Variants in DCBLD2 observed in about 807,000 individuals in gnomAD.
DCBLD2 encodes discoidin, CUB and LCCL domain-containing protein 2.
Under a neutral mutation model 86.8 loss-of-function variants are expected in DCBLD2, and 54 were observed. The observed-to-expected ratio is 0.62, with a 90% CI of 0.50 to 0.78. The LOEUF is 0.78. Among genes scored for constraint, DCBLD2 ranks in the 30% least tolerant of loss-of-function variants. DCBLD2 has a pLI of 0.00. For missense variants in DCBLD2, 908 were observed against 954.2 expected, an observed-to-expected ratio of 0.95 and a Z score of 0.64; for synonymous variants, 354 against 341.3, an observed-to-expected ratio of 1.04 and a Z score of -0.41.
intron 1 of DCBLD2, among the ~76,000 whole-genome samples, chr3:98,889,576 T>C (rs997759856): frequency 6.6e-6 from 1 of 152,064 alleles, no homozygotes; most frequent in African/African-American, 2.4e-5. Context: ...ACTTACAGAT[T>C]GTTTGGTAAA....
intron 2 of DCBLD2, among the ~76,000 whole-genome samples, chr3:98,862,420 A>G (rs1559790824): frequency 6.6e-6 from 1 of 152,234 alleles, no homozygotes. Context: ...CAACAAAAAA[A>G]GAGAATTTTA....
In DCBLD2 at chr3:98,799,474, T is replaced by C. The variant is rs1051281292; in HGVS notation, c.2226A>G (p.Leu742=). The change falls in exon 16 of 16, where the codon CTA becomes CTG. Residue 742 remains leucine, a synonymous_variant. Coordinates refer to ENST00000326840, the MANE Select transcript of DCBLD2 (RefSeq NM_080927.4). ...YDTPKAGKPG[L]PAPDELVYQV... ...GGTACACCAATTCGTCTGGGGCAGG[T>C]AGACCTGGCTTCCCAGCTTTCGGGG... 1 of 1,613,914 alleles carries C rather than the reference T, an allele frequency of 6.2e-7. No individual in the cohort carries two copies. The highest frequency in any genetic ancestry group is 8.5e-7 in the Non-Finnish European group (1 of 1,179,896).
At chr3:98,887,643 TATATAAC>T (rs1398392027) in intron 1 of DCBLD2, among the ~76,000 whole-genome samples, 1 of 152,042 alleles carries the variant, frequency 6.6e-6, no homozygotes, top group Non-Finnish European at 1.5e-5. Context: ...TGGTAAAACA[TATATAAC>T]ATAAATTTAG....
chr3:98,820,617 ACTT>A (rs1236792972), intron 6 of DCBLD2, among the ~76,000 whole-genome samples: 1 of 152,174 alleles, frequency 6.6e-6, no homozygotes, highest in Admixed American at 6.5e-5. Context: ...ATCTCTCACT[ACTT>A]TATTTCATGA....
intron 2 of DCBLD2, 31 bp downstream of exon 2, chr3:98,881,509 T>C: frequency 5.8e-6 from 9 of 1,563,682 alleles, no homozygotes; most frequent in Non-Finnish European, 7.9e-6. Flanking sequence ...AATGATGTAT[T>C]TACATGTACA....
At chr3:98,801,707 C>T (rs1941723063) in intron 13 of DCBLD2, 58 bp from the exon 14 acceptor site, 3 of 1,336,664 alleles carry the variant, frequency 2.2e-6, no homozygotes, top group Non-Finnish European at 3.1e-6. Context: ...TAAGCCTGCT[C>T]CCCCTACCCC....
At chr3:98,843,792 A>G (rs1003767268) in intron 3 of DCBLD2, among the ~76,000 whole-genome samples, 6 of 152,296 alleles carry the variant, frequency 3.9e-5, no homozygotes, top group East Asian at 1.9e-4. Context: ...GTGGCAGACA[A>G]TGAATGAACA....
Position 98,870,792 on chromosome 3 carries a change from A to T in DCBLD2, c.433+10748T>A, listed in dbSNP as rs1331976598. Among the ~76,000 whole-genome samples the T allele has an allele frequency of 6.6e-5, 10 of 151,516 alleles. No homozygotes were observed. The East Asian group carries it at 1.4e-3, about 21-fold the overall frequency. On this transcript the variant is annotated intron_variant, in intron 2 of 15. Coordinates refer to ENST00000326840, the MANE Select transcript of DCBLD2 (RefSeq NM_080927.4). The stretch of plus-strand genomic sequence containing the variant: ...AAGAAAGAAAGAAAGAAAGAAAGAA[A>T]GAAAGAAAGAAAGAAAGAAAGGTAG...
chr3:98,872,644 T>C (rs987993385), intron 2 of DCBLD2, among the ~76,000 whole-genome samples: 13 of 152,044 alleles, frequency 8.6e-5, no homozygotes. Flanking sequence ...AAATAAAGAA[T>C]ACCATTAAAA....
At chr3:98,826,912 T>G (rs915367970) in intron 3 of DCBLD2, among the ~76,000 whole-genome samples, 2 of 152,156 alleles carry the variant, frequency 1.3e-5, no homozygotes, top group Non-Finnish European at 2.9e-5. Context: ...CCTAGCACAC[T>G]GAACAGTATA....
chr3:98,801,668 G>T lies in DCBLD2; in HGVS notation c.1671-19C>A. The stretch of plus-strand genomic sequence containing the variant: ...TTTCTTTCTGGAAAAATACAGAAGA[G>T]AAGTTAGCAAACAGAGTAAATTCAC... On this transcript the variant is annotated intron_variant, in intron 13 of 15. Coordinates refer to ENST00000326840, the MANE Select transcript of DCBLD2 (RefSeq NM_080927.4). The T allele has an allele frequency of 6.3e-7, 1 of 1,594,266 alleles. No individual in the cohort carries two copies. The highest frequency in any genetic ancestry group is 1.1e-5 in the South Asian group (1 of 87,938).
intron 3 of DCBLD2, among the ~76,000 whole-genome samples, chr3:98,833,195 G>GA (rs1942354156): frequency 6.6e-6 from 1 of 152,086 alleles, no homozygotes; most frequent in South Asian, 2.1e-4. Context: ...CAAGTTCCAA[G>GA]ATTCTTTCCT....
rs139104311 is a variant in DCBLD2 at position 98,860,492 on chromosome 3, C to G, written c.434-10894G>C. On this transcript the variant is annotated intron_variant, in intron 2 of 15. Coordinates refer to ENST00000326840, the MANE Select transcript of DCBLD2 (RefSeq NM_080927.4). ...CCAGAGAGAAAGGTTGGGTTACCCA[C>G]GAAGGGAAGCCCATCAGACTAACAG... is the stretch of plus-strand genomic sequence containing the variant. Among the ~76,000 whole-genome samples the G allele has an allele frequency of 3.3e-3, 496 of 152,254 alleles. 2 individuals carry two copies. The highest frequency in any genetic ancestry group is 0.014 in the Middle Eastern group (4 of 294).
intron 3 of DCBLD2, among the ~76,000 whole-genome samples, chr3:98,827,381 T>C (rs918376168): frequency 2.0e-5 from 3 of 152,316 alleles, no homozygotes; most frequent in Admixed American, 2.0e-4. Context: ...TACTGTGTGG[T>C]CCAATATGGC....
intron 3 of DCBLD2, among the ~76,000 whole-genome samples, chr3:98,832,323 G>C (rs1018802877): frequency 6.6e-6 from 1 of 152,146 alleles, no homozygotes; most frequent in South Asian, 2.1e-4. Context: ...TTGAGCCTAT[G>C]GATGTCATTG....
chr3:98,852,562 T>C (rs575587116), intron 2 of DCBLD2, among the ~76,000 whole-genome samples: 28 of 152,336 alleles, frequency 1.8e-4, no homozygotes, highest in African/African-American at 5.8e-4. Context: ...GGGTATTTCT[T>C]ACCAGGATTC....
In DCBLD2 at chr3:98,822,356, C is replaced by T. The variant is rs1222532222; in HGVS notation, c.702G>A (p.Ser234=). 23 of 1,611,476 alleles carry T rather than the reference C, an allele frequency of 1.4e-5. No homozygotes were observed. The highest frequency in any genetic ancestry group is 2.2e-5 in the East Asian group (1 of 44,858). The change falls in exon 6 of 16, where the codon TCG becomes TCA. Residue 234 remains serine (S), a synonymous_variant. Transcript: ENST00000326840. The part of the protein sequence containing the change: ...GTIPHGYRDS[S]PLCMAGVHAG... ...CATGCACACCAGCCATGCACAATGGCGAGGACTTAAGGAAGGGAAAAGAAA... is the reference window on the plus strand; with the variant it reads ...CATGCACACCAGCCATGCACAATGGTGAGGACTTAAGGAAGGGAAAAGAAA...
intron 13 of DCBLD2, among the ~76,000 whole-genome samples, chr3:98,805,939 ACT>A (rs1941830860): frequency 6.6e-6 from 1 of 151,582 alleles, no homozygotes; most frequent in Non-Finnish European, 1.5e-5. Flanking sequence ...CTGGTCCAAA[ACT>A]CCCCTCTGCC....
intron 15 of DCBLD2, 54 bp downstream of exon 15, chr3:98,800,525 A>G (rs1576151666): frequency 1.3e-6 from 2 of 1,538,812 alleles, no homozygotes; most frequent in East Asian, 4.6e-5. Context: ...ACTTTATAGC[A>G]AGCCTAAGCA....
Sources: allele counts gnomAD v4.1 joint callset (sites outside exome capture counted in the v4.1 genomes callset), GRCh38; gene constraint gnomAD v4.1.1; transcripts MANE v1.5; gene names NCBI Gene and HGNC (gene_info 2026-07-23, HGNC 2026-07-21).